DAB1: variants seen among roughly 807,000 people sequenced by gnomAD.
The protein encoded by DAB1 is DAB adaptor protein 1, also known as disabled homolog 1.
In DAB1, 15 loss-of-function variants were observed where a neutral mutation model predicts 64.6. The ratio of observed to expected loss-of-function variants is 0.23; its 90% CI spans 0.16 to 0.36. The LOEUF (loss-of-function observed/expected upper bound fraction) is 0.36. Among genes scored for constraint, DAB1 ranks in the 10% least tolerant of loss-of-function variants. The pLI is 1.00. For synonymous variants in DAB1, 235 were observed against 251.9 expected (o/e 0.93, Z 0.64); for missense variants, 596 against 706.7 (o/e 0.84, Z 1.78).
intron 2 of DAB1, among the ~76,000 whole-genome samples, chr1:57,246,443 T>A (rs1668882994): frequency 6.6e-6 from 1 of 152,214 alleles, no homozygotes; most frequent in South Asian, 2.1e-4. Flanking sequence ...GGCAACAGTT[T>A]GAGAGCCTCC....
chr1:58,322,740 G>A (rs1299554878), intron 4 of DAB1, among the ~76,000 whole-genome samples: 2 of 152,114 alleles, frequency 1.3e-5, no homozygotes, highest in African/African-American at 2.4e-5. Flanking sequence ...CCATTACTGG[G>A]TATATACCCA....
intron 2 of DAB1, among the ~76,000 whole-genome samples, chr1:57,202,054 A>G (rs982262401): frequency 1.3e-5 from 2 of 152,222 alleles, no homozygotes; most frequent in African/African-American, 4.8e-5. Flanking sequence ...TGCAGCATAC[A>G]TATTTCTGCC....
chr1:57,642,222 A>C (rs943580982), intron 7 of DAB1, among the ~76,000 whole-genome samples: 1 of 152,240 alleles, frequency 6.6e-6, no homozygotes, highest in African/African-American at 2.4e-5. Context: ...AAATGCAAAC[A>C]GAAAAATATA....
chr1:58,450,895 C>G (rs1289670881), intron 3 of DAB1, among the ~76,000 whole-genome samples: 1 of 152,176 alleles, frequency 6.6e-6, no homozygotes, highest in Non-Finnish European at 1.5e-5. Context: ...GAGAAGGGCA[C>G]TACACCTGTG....
chr1:57,924,251 G>T (rs2102027250), intron 5 of DAB1, among the ~76,000 whole-genome samples: 1 of 152,306 alleles, frequency 6.6e-6, no homozygotes, highest in South Asian at 2.1e-4. Flanking sequence ...TCGGATGGAA[G>T]AGACAAACAA....
intron 4 of DAB1, among the ~76,000 whole-genome samples, chr1:58,336,264 C>T (rs1451804398): frequency 6.6e-6 from 1 of 152,172 alleles, no homozygotes; most frequent in Non-Finnish European, 1.5e-5. Flanking sequence ...AGGCTTGCAT[C>T]TTGTTAATCA....
chr1:57,209,426 C>T (rs970832785), intron 2 of DAB1, among the ~76,000 whole-genome samples: 1 of 152,292 alleles, frequency 6.6e-6, no homozygotes, highest in South Asian at 2.1e-4. Context: ...TGGCTATTTG[C>T]AGGGATAAAA....
At chr1:58,493,001 A>C (rs1276357427) in intron 3 of DAB1, among the ~76,000 whole-genome samples, 1 of 152,266 alleles carries the variant, frequency 6.6e-6, no homozygotes, top group South Asian at 2.1e-4. Flanking sequence ...GATGAACATC[A>C]ATGCAAAAAT....
Position 57,014,863 on chromosome 1 carries a change from C to G in DAB1, c.1444+20G>C. 1.3e-6 allele frequency: 2 copies of G among 1,529,600 alleles called. No homozygotes were observed. Among genetic ancestry groups the G allele is most frequent in the Non-Finnish European group, 1.8e-6 (2 of 1,137,344 alleles). The allele number at this position is 1,529,600 out of a possible 1,614,324, so 94.8% of individuals were successfully genotyped here. On this transcript the variant is annotated intron_variant, in intron 12 of 14. Coordinates refer to ENST00000371236, the MANE Select transcript of DAB1 (RefSeq NM_001365792.1). ...TTACGGCTCTCATTGGGTTTTATGT[C>G]TTAAGTGAGGGGCACTCACGTGAGT...
At chr1:57,633,005 C>A (rs1646008691) in intron 7 of DAB1, among the ~76,000 whole-genome samples, 1 of 152,156 alleles carries the variant, frequency 6.6e-6, no homozygotes, top group Non-Finnish European at 1.5e-5. Flanking sequence ...TATGATTTTT[C>A]TAAAGCAGAC....
chr1:57,544,555 C>T (rs2691447), intron 7 of DAB1, among the ~76,000 whole-genome samples: 137,803 of 152,220 alleles, frequency 0.91, 63,960 homozygotes, highest in East Asian at 1. Context: ...TCCCACATAG[C>T]GGCCAGAGTG....
intron 6 of DAB1, among the ~76,000 whole-genome samples, chr1:57,775,740 C>A (rs1020699186): frequency 1.3e-5 from 2 of 151,418 alleles, no homozygotes; most frequent in Non-Finnish European, 3.0e-5. Flanking sequence ...CTGATCAAAG[C>A]TTCTATATTC....
chr1:57,792,450 C>G (rs1053790937), intron 6 of DAB1, among the ~76,000 whole-genome samples: 3 of 152,150 alleles, frequency 2.0e-5, no homozygotes, highest in Non-Finnish European at 4.4e-5. Context: ...TGGGCAGATC[C>G]TAAGACTCTA....
In DAB1 at chr1:57,160,129, G is replaced by A. The variant is rs564730470; in HGVS notation, c.68-14700C>T. Among the ~76,000 whole-genome samples, 164 of 152,240 alleles carry A rather than the reference G, an allele frequency of 1.1e-3. 2 individuals carry two copies. The highest frequency in any genetic ancestry group is 2.0e-3 in the Non-Finnish European group (139 of 68,010). On this transcript the variant is annotated intron_variant, in intron 2 of 14. Coordinates refer to ENST00000371236, the MANE Select transcript of DAB1 (RefSeq NM_001365792.1). ...AGTGGGCTTGTGTCTTTTTCCTGGT[G>A]CCCAAGAAACAAAGCAGGTTTTTTG...
At chr1:58,279,974 C>T (rs78419172) in intron 4 of DAB1, among the ~76,000 whole-genome samples, 4,061 of 152,090 alleles carry the variant, frequency 0.027, 196 homozygotes, top group African/African-American at 0.093. Context: ...GCCTCATCAA[C>T]GGGATGACTC....
At chr1:58,355,886 C>T (rs533529068) in intron 3 of DAB1, among the ~76,000 whole-genome samples, 9 of 152,170 alleles carry the variant, frequency 5.9e-5, no homozygotes, top group Non-Finnish European at 1.0e-4. Flanking sequence ...GTCTGATCAG[C>T]TGTATTAATA....
At chr1:57,848,390 C>T (rs537305732) in intron 1 of DAB1, among the ~76,000 whole-genome samples, 1 of 152,180 alleles carries the variant, frequency 6.6e-6, no homozygotes. Context: ...ATATGAAAAC[C>T]TATTTTATCC....
chr1:58,541,527 A>G (rs1259737629), intron 1 of DAB1: 2 of 147,694 alleles, frequency 1.4e-5, no homozygotes, highest in African/African-American at 5.0e-5. Context: ...GAGGCAGGAG[A>G]ATCACTTGAA....
intron 1 of DAB1, chr1:57,864,874 C>A (rs566560304): frequency 2.6e-5 from 4 of 151,868 alleles, no homozygotes; most frequent in Non-Finnish European, 4.4e-5. Context: ...AATGAAACAA[C>A]GCTTTGTAAA....
Sources: gnomAD v4.1 joint callset for allele counts (sites outside exome capture counted in the v4.1 genomes callset) on GRCh38, gnomAD v4.1.1 for gene constraint, MANE v1.5 for transcripts, NCBI Gene and HGNC (gene_info 2026-07-23, HGNC 2026-07-21) for gene names.